The following SDK1 variants were observed in gnomAD, a reference collection of about 807,000 sequenced individuals.
SDK1 encodes the protein protein sidekick-1.
In SDK1, 157 loss-of-function variants were observed where a neutral mutation model predicts 245.5. The ratio of observed to expected loss-of-function variants is 0.64; its 90% CI spans 0.56 to 0.73. The LOEUF (loss-of-function observed/expected upper bound fraction) is 0.73. Ranked by LOEUF, SDK1 falls within the 30% of genes least tolerant of loss-of-function variation. The pLI is 0.00. For synonymous variants in SDK1, 1,647 were observed against 1,278.5 expected (o/e 1.29, Z -6.15); for missense variants, 3,583 against 3,002.3 (o/e 1.19, Z -4.52).
chr7:3,733,590 T>G (rs2115043535), intron 4 of SDK1, among the ~76,000 whole-genome samples: 1 of 152,318 alleles, frequency 6.6e-6, no homozygotes, highest in Non-Finnish European at 1.5e-5. Context: ...GGTCTGTGTT[T>G]ACCTCTAGCC....
At chr7:4,243,491 C>CA (rs1491221519) in intron 43 of SDK1, among the ~76,000 whole-genome samples, 1 of 152,204 alleles carries the variant, frequency 6.6e-6, no homozygotes, top group Admixed American at 6.5e-5. Flanking sequence ...TTAATGGACT[C>CA]ACAGTTCCAC....
chr7:4,245,107 C>G (rs2128239072), intron 43 of SDK1, among the ~76,000 whole-genome samples: 1 of 152,294 alleles, frequency 6.6e-6, no homozygotes, highest in South Asian at 2.1e-4. Flanking sequence ...GCCCTTCCCA[C>G]ATTCAAAGGA....
rs533059040 is a variant in SDK1 at position 3,733,817 on chromosome 7, C to T, written c.714-87633C>T. On this transcript the variant is annotated intron_variant, in intron 4 of 44. Transcript: ENST00000404826. ...CAGGAGGCTGTAACACTCATAACGC[C>T]GATTATGACTATTGTGAGAACAAAT... Among the ~76,000 whole-genome samples the T allele has an allele frequency of 6.6e-5, 10 of 152,198 alleles. No homozygotes were observed. In the South Asian group the frequency reaches 1.5e-3, roughly 22 times the overall value.
chr7:3,722,790 T>C (rs1778857756), intron 4 of SDK1, among the ~76,000 whole-genome samples: 1 of 152,138 alleles, frequency 6.6e-6, no homozygotes, highest in Non-Finnish European at 1.5e-5. Context: ...TGTTCTTAGG[T>C]CTTGCTCAGA....
chr7:3,994,313 C>G (rs1340400812), intron 14 of SDK1, among the ~76,000 whole-genome samples: 1 of 152,176 alleles, frequency 6.6e-6, no homozygotes, highest in African/African-American at 2.4e-5. Flanking sequence ...TAGAACTCAT[C>G]ATCTGACCCC....
intron 21 of SDK1, 81 bp downstream of exon 21, chr7:4,077,270 G>A (rs1261852598): frequency 2.9e-6 from 4 of 1,378,500 alleles, no homozygotes; most frequent in Non-Finnish European, 4.0e-6. Context: ...TGGCACTTTG[G>A]TGTGGAAGCC....
chr7:3,704,036 G>T (rs1000174854), intron 4 of SDK1, among the ~76,000 whole-genome samples: 1 of 152,034 alleles, frequency 6.6e-6, no homozygotes, highest in African/African-American at 2.4e-5. Context: ...CCAGTTTGTC[G>T]TTTTTTCTTC....
At chr7:3,548,601 T>G (rs1479660498) in intron 1 of SDK1, among the ~76,000 whole-genome samples, 2 of 152,326 alleles carry the variant, frequency 1.3e-5, no homozygotes, top group East Asian at 3.9e-4. Context: ...TTCCTGGAAA[T>G]GAAATAGCTG....
chr7:3,978,239 C>T (rs891698532), intron 13 of SDK1, among the ~76,000 whole-genome samples: 10 of 152,132 alleles, frequency 6.6e-5, no homozygotes, highest in African/African-American at 2.4e-4. Flanking sequence ...TTCATAAAGA[C>T]TCTGTCAGCA....
At chr7:4,062,158 A>C (rs143372853) in intron 19 of SDK1, among the ~76,000 whole-genome samples, 4 of 152,150 alleles carry the variant, frequency 2.6e-5, no homozygotes, top group Non-Finnish European at 4.4e-5. Context: ...AACAATACAA[A>C]TGGTTAAACA....
At position 3,812,958 on chromosome 7, in the gene SDK1, G is replaced by A. The variant is rs577492811; in HGVS notation, c.714-8492G>A. ...AAATTCTTTCTTCTTTTGCTTTTAA[G>A]ATGTTTTTCTTACACCCAGAGCAAA... On this transcript the variant is annotated intron_variant, in intron 4 of 44. Coordinates refer to ENST00000404826, the MANE Select transcript of SDK1 (RefSeq NM_152744.4). Among the ~76,000 whole-genome samples, 19 of 152,292 alleles carry A rather than the reference G, an allele frequency of 1.2e-4. 1 individual carries two copies. In the South Asian group the frequency reaches 3.9e-3, roughly 32 times the overall value.
At chr7:4,024,886 T>C (rs1304222634) in intron 17 of SDK1, among the ~76,000 whole-genome samples, 1 of 134,664 alleles carries the variant, frequency 7.4e-6, no homozygotes, top group Non-Finnish European at 1.6e-5. Context: ...ACTTCCAGAT[T>C]CCCACAGCCG....
At chr7:3,523,457 G>A (rs1783012242) in intron 1 of SDK1, among the ~76,000 whole-genome samples, 1 of 152,110 alleles carries the variant, frequency 6.6e-6, no homozygotes, top group African/African-American at 2.4e-5. Context: ...TTACCACTGA[G>A]TGCTAGATTA....
At chr7:3,311,488 A>G (rs1488355868) in intron 1 of SDK1, among the ~76,000 whole-genome samples, 2 of 152,166 alleles carry the variant, frequency 1.3e-5, no homozygotes, top group East Asian at 1.9e-4. Flanking sequence ...TTCTCAAGGA[A>G]AGAGAACTAT....
rs35423286 is a variant in SDK1 at position 4,063,597 on chromosome 7, C to CAAAAAAAAAAAAA, written c.2912-4229_2912-4228insAAAAAAAAAAAAA. ...ACCAGTGTCATTTTCACAGAAATAG[C>CAAAAAAAAAAAAA]AAAAAAAAAAAACAAAAAACCCCGT... On this transcript the variant is annotated intron_variant, in intron 19 of 44. Transcript: ENST00000404826. 9.9e-4 allele frequency among the ~76,000 whole-genome samples: 124 copies of CAAAAAAAAAAAAA among 125,008 alleles called. No individual in the cohort carries two copies. In the South Asian group the frequency reaches 0.011, roughly 11 times the overall value. The allele number at this position is 125,008 out of a possible 152,430, so 82.0% of individuals were successfully genotyped here.
chr7:3,986,310 G>A (rs1783822068), intron 13 of SDK1, among the ~76,000 whole-genome samples: 1 of 151,938 alleles, frequency 6.6e-6, no homozygotes. Flanking sequence ...ATTTTAGTGA[G>A]TGGTTTCACC....
chr7:3,886,375 A>C (rs1049584979), intron 5 of SDK1, among the ~76,000 whole-genome samples: 6 of 152,250 alleles, frequency 3.9e-5, no homozygotes, highest in African/African-American at 1.4e-4. Context: ...TGTAGAGGAC[A>C]CAGGCAGCAG....
intron 1 of SDK1, among the ~76,000 whole-genome samples, chr7:3,493,876 T>C (rs1781940959): frequency 6.6e-6 from 1 of 152,228 alleles, no homozygotes. Context: ...TACAAATCCT[T>C]CATCCAGTCT....
At chr7:4,076,048 A>C (rs530887265) in intron 20 of SDK1, among the ~76,000 whole-genome samples, 90 of 152,338 alleles carry the variant, frequency 5.9e-4, no homozygotes, top group Non-Finnish European at 1.1e-3. Context: ...TATAGGGGGA[A>C]ATCAAATTTA....
Sources: allele counts gnomAD v4.1 joint callset (sites outside exome capture counted in the v4.1 genomes callset), GRCh38; gene constraint gnomAD v4.1.1; transcripts MANE v1.5; gene names NCBI Gene and HGNC (gene_info 2026-07-23, HGNC 2026-07-21).